CEP63: variants seen among roughly 807,000 people sequenced by gnomAD.
CEP63 encodes the protein centrosomal protein of 63 kDa.
A neutral mutation model predicts 89.1 loss-of-function variants in CEP63; 84 were observed. The observed-to-expected ratio is 0.94, with a 90% confidence interval of 0.79 to 1.13. CEP63 has a LOEUF of 1.13. Ranked by LOEUF, CEP63 falls within the 50% of genes most tolerant of loss-of-function variation. CEP63 has a pLI of 0.00. For synonymous variants in CEP63, 267 were observed against 272.5 expected (o/e 0.98, Z 0.20); for missense variants, 838 against 813.3 (o/e 1.03, Z -0.37).
At chr3:134,547,839 C>T (rs1953875916) in intron 9 of CEP63, among the ~76,000 whole-genome samples, 1 of 151,940 alleles carries the variant, frequency 6.6e-6, no homozygotes, top group Non-Finnish European at 1.5e-5. Flanking sequence ...GAACTCCTGA[C>T]CTCAGGTGAT....
chr3:134,554,414 C>T (rs1490848966), intron 12 of CEP63, among the ~76,000 whole-genome samples: 2,202 of 114,008 alleles, frequency 0.019, no homozygotes, highest in East Asian at 0.043. Context: ...GACATGAACT[C>T]ATCATTTTTT....
intron 3 of CEP63, among the ~76,000 whole-genome samples, chr3:134,513,972 A>T (rs1175277993): frequency 6.6e-6 from 1 of 152,228 alleles, no homozygotes. Context: ...CTCAGAAAAT[A>T]ACCTGAGACA....
chr3:134,570,594 TCAA>T (rs1179334821), intron 11 of CEP63, among the ~76,000 whole-genome samples: 2 of 152,346 alleles, frequency 1.3e-5, no homozygotes, highest in East Asian at 3.9e-4. Context: ...TCAAAGCCAT[TCAA>T]CAAGTCTCTA....
chr3:134,622,944 G>A, the CEP63 span, among the ~76,000 whole-genome samples: 1 of 152,150 alleles, frequency 6.6e-6, no homozygotes, highest in Admixed American at 6.6e-5. Context: ...CAGCACACTG[G>A]CACTCTGACC....
At position 134,564,942 on chromosome 3, in the gene CEP63, A is replaced by G. The variant is rs1440601492; in HGVS notation, c.*3407A>G. ...ATCTAATAGTTAATGGGTTGTCCAA[A>G]TTTGTCAGAACATTTGACTGTAATT... On this transcript the variant is annotated 3_prime_UTR_variant, in exon 15 of 15. Coordinates refer to ENST00000675561, the MANE Select transcript of CEP63 (RefSeq NM_001353108.3). The G allele has an allele frequency of 7.1e-6, 7 of 982,744 alleles. No individual in the cohort carries two copies. The highest frequency in any genetic ancestry group is 5.2e-5 in the African/African-American group (3 of 57,192). 60.9% of individuals were successfully genotyped at this position (982,744 alleles called of 1,614,324 possible). A position where few individuals can be genotyped will look rare whatever the true frequency, so the allele number is the denominator to read the frequency against.
chr3:134,566,263 A>G (rs372712482), downstream of CEP63, among the ~76,000 whole-genome samples: 2 of 152,202 alleles, frequency 1.3e-5, no homozygotes, highest in East Asian at 1.9e-4. Flanking sequence ...AACGTAAGGC[A>G]GTAGTTGATA....
the CEP63 span, among the ~76,000 whole-genome samples, chr3:134,659,997 A>G: frequency 6.6e-6 from 1 of 152,250 alleles, no homozygotes; most frequent in East Asian, 1.9e-4. Context: ...GGCGAGCTGG[A>G]CAGGAACAGC....
rs1378870937 is a variant in CEP63 at position 134,545,746 on chromosome 3, GA to G, written c.718del (p.Thr240ProfsTer3). 3.1e-6 allele frequency: 5 copies of G among 1,614,096 alleles called. No individual in the cohort carries two copies. The Admixed American group carries it at 8.3e-5, about 27-fold the overall frequency. On this transcript the variant is annotated frameshift_variant, in exon 7 of 15. Coordinates refer to ENST00000675561, the MANE Select transcript of CEP63 (RefSeq NM_001353108.3). LOFTEE classifies it high-confidence loss of function. ...RLTMRVNDLV[G>X]TSMTVLQEQQ... ...ACCATGAGGGTCAATGACTTGGTTG[GA>G]ACCAGTATGACTGTCCTACAGGAGC...
chr3:134,502,601 T>C (rs1291765961), intron 2 of CEP63, among the ~76,000 whole-genome samples: 1 of 152,206 alleles, frequency 6.6e-6, no homozygotes, highest in Non-Finnish European at 1.5e-5. Context: ...TTCTAGCCTG[T>C]GTGCATACAG....
chr3:134,762,817 G>C, the CEP63 span, among the ~76,000 whole-genome samples: 1 of 152,008 alleles, frequency 6.6e-6, no homozygotes, highest in Non-Finnish European at 1.5e-5. Context: ...TGAATACCAG[G>C]GACTCCTTTA....
the CEP63 span, among the ~76,000 whole-genome samples, chr3:134,669,277 C>T: frequency 2.6e-5 from 4 of 152,290 alleles, no homozygotes; most frequent in South Asian, 8.3e-4. Context: ...ATCTGCCCAC[C>T]TCGGCCTCCA....
intron 3 of CEP63, among the ~76,000 whole-genome samples, chr3:134,514,909 GAGTTTT>G (rs1262662200): frequency 6.6e-6 from 1 of 152,156 alleles, no homozygotes; most frequent in African/African-American, 2.4e-5. Context: ...ATAATAGATG[GAGTTTT>G]GCTATGTTGC....
the CEP63 span, among the ~76,000 whole-genome samples, chr3:134,669,204 G>T: frequency 0.96 from 144,696 of 151,136 alleles, 69,218 homozygotes; most frequent in East Asian, 1. Flanking sequence ...TTTTTTAAAT[G>T]TTTTTTGTAG....
the CEP63 span, among the ~76,000 whole-genome samples, chr3:134,635,137 C>A: frequency 6.6e-6 from 1 of 152,328 alleles, no homozygotes; most frequent in East Asian, 1.9e-4. Context: ...TCACCCTGAA[C>A]TGGAAACAAC....
intron 1 of CEP63, 137 bp downstream of exon 1, chr3:134,486,339 C>T (rs931622878): frequency 7.1e-6 from 7 of 985,460 alleles, no homozygotes; most frequent in Non-Finnish European, 7.2e-6. Context: ...TTCGCGGCCT[C>T]ATGGCTTGCG....
At chr3:134,533,498 CTTTG>C (rs1241627061) in intron 5 of CEP63, among the ~76,000 whole-genome samples, 5 of 152,186 alleles carry the variant, frequency 3.3e-5, no homozygotes. Flanking sequence ...TCTCTGCTGA[CTTTG>C]TTTTTATTAA....
intron 3 of CEP63, among the ~76,000 whole-genome samples, chr3:134,509,233 C>T (rs1012995331): frequency 6.6e-6 from 1 of 152,020 alleles, no homozygotes; most frequent in Admixed American, 6.5e-5. Flanking sequence ...TGGCGGAAGG[C>T]AAAGGGAAAG....
the CEP63 span, among the ~76,000 whole-genome samples, chr3:134,767,735 C>T: frequency 6.6e-6 from 1 of 152,300 alleles, no homozygotes; most frequent in Admixed American, 6.5e-5. Context: ...TGGGTTCTTG[C>T]CGAGGGCTTT....
chr3:134,562,107 C>T lies in CEP63; in HGVS notation c.*572C>T, dbSNP rs964422726. ...AACCTTATCAAGCAGTCCTCTCTTG[C>T]TCAACACTCATGCAGAGGAGAGAGG... On this transcript the variant is annotated 3_prime_UTR_variant, in exon 15 of 15. Coordinates refer to ENST00000675561, the MANE Select transcript of CEP63 (RefSeq NM_001353108.3). The T allele has an allele frequency of 1.0e-6, 1 of 990,356 alleles. No individual in the cohort carries two copies. Among genetic ancestry groups the T allele is most frequent in the Non-Finnish European group, 1.2e-6 (1 of 833,062 alleles). The allele number at this position is 990,356 out of a possible 1,614,324, so 61.3% of individuals were successfully genotyped here. A position where few individuals can be genotyped will look rare whatever the true frequency, so the allele number is the denominator to read the frequency against.
Sources: gnomAD v4.1 joint callset for allele counts (sites outside exome capture counted in the v4.1 genomes callset) on GRCh38, gnomAD v4.1.1 for gene constraint, MANE v1.5 for transcripts, NCBI Gene and HGNC (gene_info 2026-07-23, HGNC 2026-07-21) for gene names.